The following DPP6 variants were observed in gnomAD, a reference collection of about 807,000 sequenced individuals.
DPP6 encodes the protein A-type potassium channel modulatory protein DPP6.
Under a neutral mutation model 122.6 loss-of-function variants are expected in DPP6, and 69 were observed. The ratio of observed to expected loss-of-function variants is 0.56; its 90% confidence interval spans 0.46 to 0.69. The LOEUF (loss-of-function observed/expected upper bound fraction) is 0.69. DPP6 is among the 30% of genes least tolerant of loss of function. The pLI is 0.00. For missense variants in DPP6, 928 were observed against 1,116.9 expected (o/e 0.83, Z 2.41); for synonymous variants, 418 against 433.1 (o/e 0.97, Z 0.43).
rs1799368683 is a variant in DPP6, at chr7:154,033,606, G to T, written c.51+145872G>T. Among the ~76,000 whole-genome samples the T allele has an allele frequency of 3.9e-5, 6 of 152,216 alleles. 1 individual carries two copies. Among genetic ancestry groups the T allele is most frequent in the Admixed American group, 2.6e-4 (4 of 15,286 alleles). ...ATCCTCCTCATGAAGAGGTGACCTTGTATCTAGAGTCCCTTCGTCTCTGTC... is the reference window on the plus strand; with the variant it reads ...ATCCTCCTCATGAAGAGGTGACCTTTTATCTAGAGTCCCTTCGTCTCTGTC... On this transcript the variant is annotated intron_variant, in intron 1 of 25. Transcript: ENST00000404039.
intron 2 of DPP6, among the ~76,000 whole-genome samples, chr7:154,447,408 C>A (rs1308322473): frequency 6.6e-6 from 1 of 151,968 alleles, no homozygotes; most frequent in Non-Finnish European, 1.5e-5. Context: ...ATAGTAGATG[C>A]CTATTTGTGC....
intron 4 of DPP6, among the ~76,000 whole-genome samples, chr7:154,553,978 C>A (rs999396003): frequency 2.0e-5 from 3 of 151,328 alleles, no homozygotes; most frequent in African/African-American, 7.3e-5. Context: ...TAGAGAGAAC[C>A]GAGCTGTAAA....
intron 1 of DPP6, among the ~76,000 whole-genome samples, chr7:154,329,899 A>C (rs2151034779): frequency 6.6e-6 from 1 of 152,312 alleles, no homozygotes; most frequent in South Asian, 2.1e-4. Context: ...GAAGCTGGAA[A>C]CCATCATTCT....
chr7:154,798,147 G>A (rs932025262), intron 12 of DPP6, among the ~76,000 whole-genome samples: 1 of 152,200 alleles, frequency 6.6e-6, no homozygotes, highest in Admixed American at 6.5e-5. Context: ...CTCACAGGGG[G>A]AGCTGGCTTC....
chr7:154,859,791 G>A (rs928983148), intron 17 of DPP6, among the ~76,000 whole-genome samples: 1 of 152,300 alleles, frequency 6.6e-6, no homozygotes, highest in Non-Finnish European at 1.5e-5. Context: ...AATACATTGC[G>A]GGCTTTAATG....
intron 7 of DPP6, among the ~76,000 whole-genome samples, chr7:154,713,704 C>G (rs1048779339): frequency 6.6e-6 from 1 of 152,192 alleles, no homozygotes; most frequent in Non-Finnish European, 1.5e-5. Context: ...GCCCTGGGTC[C>G]AGGCCAGGAA....
intron 8 of DPP6, among the ~76,000 whole-genome samples, chr7:154,741,231 G>T (rs1300392302): frequency 6.6e-6 from 1 of 152,204 alleles, no homozygotes; most frequent in African/African-American, 2.4e-5. Flanking sequence ...CACCGAGTGG[G>T]AGACTGGACA....
chr7:153,934,563 G>A (rs758316), intron 1 of DPP6, among the ~76,000 whole-genome samples: 96,282 of 151,974 alleles, frequency 0.63, 31,051 homozygotes, highest in African/African-American at 0.76. Flanking sequence ...ACTTATTATA[G>A]TTCTAGAGTG....
chr7:153,749,274 A>G, the DPP6 span, among the ~76,000 whole-genome samples: 3 of 151,912 alleles, frequency 2.0e-5, no homozygotes, highest in African/African-American at 4.8e-5. This position sits in a 1 kb window ranked among gnomAD's most constrained non-coding sequence, Gnocchi z 4.1. Flanking sequence ...GGGGCTGGAG[A>G]TCCTACCCTG....
intron 5 of DPP6, among the ~76,000 whole-genome samples, chr7:154,599,450 T>G (rs1833294286): frequency 6.6e-6 from 1 of 151,836 alleles, no homozygotes. Context: ...GGCAAGAACT[T>G]TCTTTCTTTC....
the DPP6 span, among the ~76,000 whole-genome samples, chr7:153,824,844 A>G: frequency 1.8e-4 from 28 of 152,120 alleles, no homozygotes; most frequent in African/African-American, 6.7e-4. Flanking sequence ...CATTTAACAG[A>G]TTTCTGATTT....
At chr7:154,774,802 G>T (rs533660295) in intron 10 of DPP6, among the ~76,000 whole-genome samples, 1 of 152,320 alleles carries the variant, frequency 6.6e-6, no homozygotes, top group Non-Finnish European at 1.5e-5. Flanking sequence ...GAACCATGGA[G>T]TTCACAGTGT....
rs60650246 is a variant in DPP6 at position 154,043,317 on chromosome 7, G to T, written c.51+155583G>T. On this transcript the variant is annotated intron_variant, in intron 1 of 25. Transcript: ENST00000404039. Reference sequence around the variant, plus strand: ...CTGAGGCAGGAGAATCACTTGAACCGGGCAGGTGGAGTTTGCAGTGAGCTG... The same window carrying T: ...CTGAGGCAGGAGAATCACTTGAACCTGGCAGGTGGAGTTTGCAGTGAGCTG... 9.3e-4 allele frequency among the ~76,000 whole-genome samples: 137 copies of T among 146,986 alleles called. 1 individual carries two copies. Among genetic ancestry groups the T allele is most frequent in the Non-Finnish European group, 1.5e-3 (102 of 67,192 alleles).
intron 1 of DPP6, among the ~76,000 whole-genome samples, chr7:154,256,343 C>T (rs1024914173): frequency 2.0e-5 from 3 of 152,206 alleles, no homozygotes; most frequent in Non-Finnish European, 4.4e-5. Flanking sequence ...AGAAGGCAGG[C>T]ACCTCCAGCT....
At chr7:154,064,551 A>G (rs1345242146) in intron 1 of DPP6, among the ~76,000 whole-genome samples, 1 of 152,196 alleles carries the variant, frequency 6.6e-6, no homozygotes, top group Non-Finnish European at 1.5e-5. Flanking sequence ...TGTTCTTTAG[A>G]ACTGAAGACC....
intron 8 of DPP6, among the ~76,000 whole-genome samples, chr7:154,750,195 T>A (rs1034814338): frequency 6.6e-6 from 1 of 152,126 alleles, no homozygotes; most frequent in African/African-American, 2.4e-5. Context: ...AGAGAAAGGC[T>A]CCATCCAATC....
chr7:154,620,990 C>T (rs980603726), intron 5 of DPP6, among the ~76,000 whole-genome samples: 11 of 152,188 alleles, frequency 7.2e-5, no homozygotes, highest in Non-Finnish European at 8.8e-5. Flanking sequence ...TCTTCTAAGA[C>T]TACAAGAACT....
At chr7:154,000,142 C>G (rs1387656420) in intron 1 of DPP6, among the ~76,000 whole-genome samples, 1 of 152,098 alleles carries the variant, frequency 6.6e-6, no homozygotes, top group African/African-American at 2.4e-5. Context: ...TTTCTTTGAG[C>G]ACAAATATGT....
At chr7:154,475,131 C>T (rs1240318160) in intron 3 of DPP6, 94 bp downstream of exon 3, 1 of 910,582 alleles carries the variant, frequency 1.1e-6, no homozygotes, top group Admixed American at 1.8e-5. Flanking sequence ...TCTCGGATTT[C>T]CCCCTTTGGC....
Sources: allele counts gnomAD v4.1 joint callset (sites outside exome capture counted in the v4.1 genomes callset), GRCh38; gene constraint gnomAD v4.1.1; non-coding constraint Gnocchi (gnomAD v3.1); transcripts MANE v1.5; gene names NCBI Gene and HGNC (gene_info 2026-07-23, HGNC 2026-07-21).